The following MFN1 variants were observed in gnomAD, a reference collection of about 807,000 sequenced individuals.
MFN1 encodes mitofusin 1, also known as mitofusin-1.
In MFN1, 65 loss-of-function variants were observed where a neutral mutation model predicts 92.4. The observed-to-expected ratio is 0.70, with a 90% confidence interval of 0.58 to 0.86. The LOEUF is 0.86. Ranked by LOEUF, MFN1 falls within the 40% of genes least tolerant of loss-of-function variation. The pLI is 0.00. For missense variants in MFN1, 781 were observed against 868.0 expected (o/e 0.90, Z 1.26); for synonymous variants, 297 against 300.9 (o/e 0.99, Z 0.13).
intron 14 of MFN1, among the ~76,000 whole-genome samples, chr3:179,379,075 C>T (rs1001510206): frequency 6.6e-6 from 1 of 152,104 alleles, no homozygotes; most frequent in African/African-American, 2.4e-5. Flanking sequence ...ATAGTAAAAA[C>T]GCAGGCACAC....
chr3:179,391,175 A>C (rs914797596), intron 17 of MFN1, among the ~76,000 whole-genome samples: 1 of 152,032 alleles, frequency 6.6e-6, no homozygotes, highest in Admixed American at 6.6e-5. Context: ...TTTGGTTTTG[A>C]TTTATTCAGC....
chr3:179,387,236 A>G (rs1713719112), intron 16 of MFN1, among the ~76,000 whole-genome samples: 1 of 152,272 alleles, frequency 6.6e-6, no homozygotes, highest in South Asian at 2.1e-4. Context: ...AAAGATCTTC[A>G]GCAGACCTAT....
At chr3:179,350,456 ATT>A (rs996292795) in intron 2 of MFN1, among the ~76,000 whole-genome samples, 2 of 151,536 alleles carry the variant, frequency 1.3e-5, no homozygotes, top group Non-Finnish European at 2.9e-5. Flanking sequence ...TTTTAAAAAT[ATT>A]TTTTTTTCTA....
At position 179,381,604 on chromosome 3, in the gene MFN1, A is replaced by T. The variant is rs76191403; in HGVS notation, c.1662+2790A>T. The stretch of plus-strand genomic sequence containing the variant: ...AAGAAAATGATTGCTTGTCAGTAGT[A>T]TGTAAATTCAATCAAGAATGATGGT... On this transcript the variant is annotated intron_variant, in intron 14 of 17. Coordinates refer to ENST00000471841, the MANE Select transcript of MFN1 (RefSeq NM_033540.3). Among the ~76,000 whole-genome samples the T allele has an allele frequency of 1.5e-3, 222 of 152,374 alleles. 1 individual carries two copies. The highest frequency in any genetic ancestry group is 2.4e-3 in the Non-Finnish European group (162 of 68,038).
At chr3:179,381,469 G>C (rs1382253084) in intron 14 of MFN1, among the ~76,000 whole-genome samples, 2 of 152,230 alleles carry the variant, frequency 1.3e-5, no homozygotes, top group African/African-American at 4.8e-5. Flanking sequence ...AGCTGATACA[G>C]GTGTTCTGGT....
chr3:179,384,213 C>A (rs1271939797), intron 14 of MFN1, among the ~76,000 whole-genome samples: 2 of 152,160 alleles, frequency 1.3e-5, no homozygotes, highest in Non-Finnish European at 2.9e-5. Flanking sequence ...ACAACACTAT[C>A]CATTCACCAG....
chr3:179,376,252 G>A (rs1713235913), intron 10 of MFN1, among the ~76,000 whole-genome samples: 3 of 152,208 alleles, frequency 2.0e-5, no homozygotes, highest in Non-Finnish European at 4.4e-5. Context: ...CTCAGCCCCT[G>A]TGTACAGCCT....
At chr3:179,380,534 C>T (rs1243150506) in intron 14 of MFN1, among the ~76,000 whole-genome samples, 1 of 152,186 alleles carries the variant, frequency 6.6e-6, no homozygotes, top group Non-Finnish European at 1.5e-5. Flanking sequence ...CTTGTGTGCA[C>T]TTGCAGGGAA....
chr3:179,371,903 A>G (rs1215857771), intron 9 of MFN1, among the ~76,000 whole-genome samples: 1 of 151,866 alleles, frequency 6.6e-6, no homozygotes, highest in African/African-American at 2.4e-5. Context: ...TTAGGTAACA[A>G]GCTTGTGATG....
chr3:179,375,014 G>T (rs1336404938), intron 9 of MFN1, among the ~76,000 whole-genome samples: 1 of 152,084 alleles, frequency 6.6e-6, no homozygotes, highest in African/African-American at 2.4e-5. Context: ...CACAAAGATG[G>T]TAACTTGCTG....
intron 14 of MFN1, among the ~76,000 whole-genome samples, chr3:179,381,419 G>A (rs1192037686): frequency 1.3e-5 from 2 of 152,210 alleles, no homozygotes; most frequent in Non-Finnish European, 2.9e-5. Context: ...ACATAACATT[G>A]TAGGTAGAGA....
At position 179,365,152 on chromosome 3, in the gene MFN1, T is replaced by A. The variant is rs1712736276; in HGVS notation, c.680T>A (p.Leu227His). 1 of 1,554,944 alleles carries A rather than the reference T, an allele frequency of 6.4e-7. No homozygotes were observed. The highest frequency in any genetic ancestry group is 1.4e-5 in the African/African-American group (1 of 70,976). ...KHFFHKVNER[L>H]SKPNIFILNN... ...TTTTTTCACAAGGTGAATGAGCGGCTTTCCAAGCCTAATATTTTCATTCTC... is the reference window on the plus strand; with the variant it reads ...TTTTTTCACAAGGTGAATGAGCGGCATTCCAAGCCTAATATTTTCATTCTC... The change falls in exon 7 of 18, where the codon CTT (leucine) becomes CAT (histidine). Residue 227 changes from leucine to histidine, a missense_variant. Coordinates refer to ENST00000471841, the MANE Select transcript of MFN1 (RefSeq NM_033540.3).
chr3:179,387,624 G>A (rs1349860014), intron 16 of MFN1, among the ~76,000 whole-genome samples: 1 of 117,330 alleles, frequency 8.5e-6, no homozygotes. Context: ...CTGAGATGGA[G>A]TCTCAGTTGC....
chr3:179,372,001 C>A (rs1713038219), intron 9 of MFN1, among the ~76,000 whole-genome samples: 1 of 147,374 alleles, frequency 6.8e-6, no homozygotes. Context: ...ATATGGGGGT[C>A]ATACATTTTA....
chr3:179,392,075 T>TG lies in MFN1; in HGVS notation c.*18dup, dbSNP rs760573518. On this transcript the variant is annotated 3_prime_UTR_variant, in exon 18 of 18. Coordinates refer to ENST00000471841, the MANE Select transcript of MFN1 (RefSeq NM_033540.3). ...AGAATCCTAACAATAGAGATTGCTT[T>TG]GGTGACCATGATAGGAGGAAACGAA... 21 of 1,555,296 alleles carry TG rather than the reference T, an allele frequency of 1.4e-5. No homozygotes were observed. Among genetic ancestry groups the TG allele is most frequent in the Middle Eastern group, 3.5e-4 (2 of 5,712 alleles).
At position 179,394,154 on chromosome 3, in the gene MFN1, A is replaced by C. The variant is rs1436955316; in HGVS notation, c.*2095A>C. ...TAAGCCACCACACACAGCTATAATC[A>C]ACCTTCAAACTTATAAAAAGTGTGG... On this transcript the variant is annotated 3_prime_UTR_variant, in exon 18 of 18. Coordinates refer to ENST00000471841, the MANE Select transcript of MFN1 (RefSeq NM_033540.3). The C allele has an allele frequency of 1.3e-5, 2 of 152,130 alleles. No homozygotes were observed. The highest frequency in any genetic ancestry group is 2.9e-5 in the Non-Finnish European group (2 of 68,038). 9.4% of individuals were successfully genotyped at this position (152,130 alleles called of 1,614,324 possible).
chr3:179,381,509 G>A (rs780219266), intron 14 of MFN1, among the ~76,000 whole-genome samples: 6 of 152,178 alleles, frequency 3.9e-5, no homozygotes, highest in Non-Finnish European at 7.3e-5. Flanking sequence ...GTTTGAATAC[G>A]TTATTTTTCA....
At position 179,385,686 on chromosome 3, in the gene MFN1, A is replaced by G. The variant is rs1158284948; in HGVS notation, c.1780A>G (p.Arg594Gly). 2 of 1,613,784 alleles carry G rather than the reference A, an allele frequency of 1.2e-6. No homozygotes were observed. The highest frequency in any genetic ancestry group is 1.7e-4 in the Middle Eastern group (1 of 6,060). Residue 594 changes from arginine to glycine, a missense_variant, in exon 15 of 18, where the codon AGA becomes GGA. Transcript: ENST00000471841. The stretch of plus-strand genomic sequence containing the variant: ...AACAGGATTGGCGTCCGTTACATCT[A>G]GAACTTCTATGGGCATCATTATTGT... Reference protein sequence around the residue: ...LVTGLASVTSRTSMGIIIVGG... With the variant: ...LVTGLASVTSGTSMGIIIVGG...
chr3:179,349,847 GTTC>G (rs1464302068), intron 2 of MFN1, among the ~76,000 whole-genome samples: 1 of 150,610 alleles, frequency 6.6e-6, no homozygotes, highest in African/African-American at 2.4e-5. Flanking sequence ...ATTTTTTCTG[GTTC>G]TTAAGATTAT....
Sources: allele counts gnomAD v4.1 joint callset (sites outside exome capture counted in the v4.1 genomes callset), GRCh38; gene constraint gnomAD v4.1.1; transcripts MANE v1.5; gene names NCBI Gene and HGNC (gene_info 2026-07-23, HGNC 2026-07-21).